ETV7: variants seen among roughly 807,000 people sequenced by gnomAD.
The protein encoded by ETV7 is transcription factor ETV7.
ETV7 carries 43 observed loss-of-function variants against 39.1 expected under a neutral mutation model. The observed-to-expected ratio is 1.10, with a 90% CI of 0.86 to 1.42. The LOEUF (loss-of-function observed/expected upper bound fraction) is 1.42. Among genes scored for constraint, ETV7 ranks in the 40% most tolerant of loss-of-function variants. The pLI is 0.00. For missense variants in ETV7, 432 were observed against 442.3 expected (o/e 0.98, Z 0.21); for synonymous variants, 196 against 176.6 (o/e 1.11, Z -0.87).
chr6:36,364,482 T>C (rs1284814965), downstream of ETV7, among the ~76,000 whole-genome samples: 1 of 152,160 alleles, frequency 6.6e-6, no homozygotes, highest in Non-Finnish European at 1.5e-5. Context: ...GGGTGCTAAG[T>C]CCCTCATTGC....
At chr6:36,354,841 T>C (rs1029557545) in intron 7 of ETV7, among the ~76,000 whole-genome samples, 1 of 152,254 alleles carries the variant, frequency 6.6e-6, no homozygotes, top group Non-Finnish European at 1.5e-5. Flanking sequence ...CAATGCTTTG[T>C]AGTTTTCAGA....
intron 3 of ETV7, among the ~76,000 whole-genome samples, chr6:36,374,311 C>T (rs74796096): frequency 0.031 from 4,644 of 151,848 alleles, 174 homozygotes; most frequent in East Asian, 0.13. Context: ...GAGCTGTGTT[C>T]ACGCCACCAA....
In ETV7 at chr6:36,354,396, TTA is replaced by T. The variant is rs35019006; in HGVS notation, c.*244_*245del. On this transcript the variant is annotated 3_prime_UTR_variant, in exon 8 of 8. Coordinates refer to the ETV7 transcript ENST00000339796. ...AGTTTTACAGTTTTAGCTCTTACGT[TTA>T]TGTCTTTGACATATTTTGAGTTAAT... The T allele has an allele frequency of 3.9e-4, 131 of 335,426 alleles. 1 individual carries two copies. Among genetic ancestry groups the T allele is most frequent in the African/African-American group, 2.7e-3 (125 of 47,112 alleles). The allele number at this position is 335,426 out of a possible 1,614,324, so 20.8% of individuals were successfully genotyped here.
chr6:36,359,986 G>A (rs992258562), intron 7 of ETV7, among the ~76,000 whole-genome samples: 54 of 152,022 alleles, frequency 3.6e-4, no homozygotes, highest in African/African-American at 1.2e-3. Context: ...TCCACCTCCC[G>A]GGTTCAAGTG....
chr6:36,378,286 T>C (rs1773479257), intron 2 of ETV7, among the ~76,000 whole-genome samples: 1 of 147,042 alleles, frequency 6.8e-6, no homozygotes, highest in Non-Finnish European at 1.5e-5. Context: ...AAAAATACAT[T>C]TGGGTCCTCA....
chr6:36,375,933 A>C lies in ETV7; in HGVS notation c.245T>G (p.Met82Arg). The C allele has an allele frequency of 1.2e-6, 2 of 1,614,004 alleles. No individual in the cohort carries two copies. The highest frequency in any genetic ancestry group is 1.7e-6 in the Non-Finnish European group (2 of 1,180,036). ...GAGGATGCAGAGGGCGCGTCCGTTCATCTCGAACCCGTGCTCCGCGGTGCA... is the reference window on the plus strand; with the variant it reads ...GAGGATGCAGAGGGCGCGTCCGTTCCTCTCGAACCCGTGCTCCGCGGTGCA... ...LPCTAEHGFE[M>R]NGRALCILTK... Residue 82 changes from methionine to arginine, a missense_variant, in exon 3 of 8, where the codon ATG (methionine) becomes AGG (arginine). Met to Arg is a moderately conservative substitution (Grantham distance 91, BLOSUM62 -1). Transcript: ENST00000340181.
chr6:36,369,557 A>C (rs1772904934), intron 5 of ETV7, among the ~76,000 whole-genome samples: 1 of 152,208 alleles, frequency 6.6e-6, no homozygotes, highest in South Asian at 2.1e-4. Context: ...AAAACCAGGC[A>C]TGCCATTGGG....
Position 36,376,027 on chromosome 6 carries a change from G to T in ETV7, c.151C>A (p.Pro51Thr), listed in dbSNP as rs1330181043. ...ACGTCCTCCCTGCTCCACAGTGCGG[G>T]CTGGATGCCTGCAACCAGCAAGGAC... ...CKLPGRLRIQ[P>T]ALWSREDVLH... is the part of the protein sequence containing the mutation. The change falls in exon 3 of 8, where the codon CCC becomes ACC. Residue 51 changes from proline to threonine, a missense_variant. Physicochemically the swap from Pro to Thr is conservative, Grantham distance 38. Transcript: ENST00000340181. 1.2e-6 allele frequency: 2 copies of T among 1,600,090 alleles called. No individual in the cohort carries two copies. Among genetic ancestry groups the T allele is most frequent in the African/African-American group, 1.3e-5 (1 of 74,974 alleles).
chr6:36,375,791 C>T (rs1479740876), intron 3 of ETV7, 80 bp downstream of exon 3: 1 of 1,604,234 alleles, frequency 6.2e-7, no homozygotes. Context: ...CATCTCCCTC[C>T]CTGGGCCCCC....
At position 36,367,574 on chromosome 6, in the gene ETV7, A is replaced by G. The variant is rs1772795198; in HGVS notation, c.808-599T>C. On this transcript the variant is annotated intron_variant, in intron 6 of 7. Coordinates refer to ENST00000340181, the MANE Select transcript of ETV7 (RefSeq NM_016135.4). Reference sequence around the variant, plus strand: ...GAACTGCATGTTACTTTTAAACAGCAAATGTCACAACAGTAACAAATAAAT... The same window carrying G: ...GAACTGCATGTTACTTTTAAACAGCGAATGTCACAACAGTAACAAATAAAT... 5.9e-5 allele frequency among the ~76,000 whole-genome samples: 9 copies of G among 152,222 alleles called. No homozygotes were observed. The South Asian group carries it at 1.9e-3, about 32-fold the overall frequency.
In ETV7 at chr6:36,375,882, G is replaced by T. The variant is rs376778047; in HGVS notation, c.296C>A (p.Ala99Glu). 20 of 1,614,060 alleles carry T rather than the reference G, an allele frequency of 1.2e-5. No homozygotes were observed. Among genetic ancestry groups the T allele is most frequent in the Non-Finnish European group, 1.4e-5 (17 of 1,180,034 alleles). ...ILTKDDFRHR[A>E]PSSGDVLYEL... ...TGCGTTTCCCTGACCTGAGCTGGGC[G>T]CACGGTGCCGGAAGTCGTCCTTGGT... Residue 99 changes from alanine (A) to glutamate (E), a missense_variant, in exon 3 of 8, where the codon GCG (alanine) becomes GAG (glutamate). Transcript: ENST00000340181.
intron 7 of ETV7, among the ~76,000 whole-genome samples, chr6:36,360,323 A>G (rs1016228906): frequency 3.3e-5 from 5 of 152,214 alleles, no homozygotes; most frequent in African/African-American, 1.2e-4. Context: ...TCAAGGATAA[A>G]GTGATCATAA....
In ETV7 at chr6:36,376,725, G is replaced by A. The variant is rs558964745; in HGVS notation, c.143-690C>T. On this transcript the variant is annotated intron_variant, in intron 2 of 7. Transcript: ENST00000340181. ...CGGGAAGCAGAGGTTGCAGTGAGCCGAGATCATGCGACTGCACTCCAGCCT... is the reference window on the plus strand; with the variant it reads ...CGGGAAGCAGAGGTTGCAGTGAGCCAAGATCATGCGACTGCACTCCAGCCT... Among the ~76,000 whole-genome samples, 642 of 150,550 alleles carry A rather than the reference G, an allele frequency of 4.3e-3. 5 individuals carry two copies. Among genetic ancestry groups the A allele is most frequent in the African/African-American group, 0.013 (535 of 40,928 alleles).
intron 7 of ETV7, among the ~76,000 whole-genome samples, chr6:36,360,016 C>T (rs1257611538): frequency 6.6e-6 from 1 of 152,170 alleles, no homozygotes; most frequent in Non-Finnish European, 1.5e-5. Context: ...CCTCAGCCTC[C>T]CAAGTAGCTG....
At chr6:36,363,561 G>A (rs931287475), downstream of ETV7, among the ~76,000 whole-genome samples, 39 of 152,242 alleles carry the variant, frequency 2.6e-4, no homozygotes, top group African/African-American at 9.2e-4. Context: ...TAAAAGCAGC[G>A]TGGACCCAAA....
At chr6:36,375,720 C>A in intron 3 of ETV7, 151 bp downstream of exon 3, 1 of 1,240,754 alleles carries the variant, frequency 8.1e-7, no homozygotes, top group South Asian at 1.3e-5. Context: ...CAGATACACA[C>A]GTATGCAGAG....
chr6:36,374,411 C>T (rs1024499692), intron 3 of ETV7, among the ~76,000 whole-genome samples: 61 of 151,658 alleles, frequency 4.0e-4, no homozygotes, highest in African/African-American at 1.4e-3. Context: ...TCTTCTTTGA[C>T]TCATACCTTG....
chr6:36,375,730 G>A (rs1773290859), intron 3 of ETV7, 141 bp downstream of exon 3: 6 of 1,314,374 alleles, frequency 4.6e-6, no homozygotes, highest in Non-Finnish European at 6.4e-6. Context: ...CGTATGCAGA[G>A]GGGCATCTGC....
At chr6:36,387,466 G>A in intron 1 of ETV7, 70 bp downstream of exon 1, 1 of 1,605,158 alleles carries the variant, frequency 6.2e-7, no homozygotes, top group Non-Finnish European at 8.5e-7. Context: ...GGAAATCTAG[G>A]TGGTGAGGAA....
Sources: gnomAD v4.1 joint callset for allele counts (sites outside exome capture counted in the v4.1 genomes callset) on GRCh38, gnomAD v4.1.1 for gene constraint, MANE v1.5 for transcripts, NCBI Gene and HGNC (gene_info 2026-07-23, HGNC 2026-07-21) for gene names.